The following SCEL variants were observed in gnomAD, a reference collection of about 807,000 sequenced individuals.
The protein encoded by SCEL is sciellin.
SCEL carries 113 observed loss-of-function variants against 117.6 expected under a neutral mutation model. The observed-to-expected ratio is 0.96, with a 90% CI of 0.83 to 1.12. The LOEUF is 1.12. Ranked by LOEUF, SCEL falls within the 50% of genes most tolerant of loss-of-function variation. SCEL has a pLI of 0.00. For missense variants in SCEL, 785 were observed against 810.8 expected, an observed-to-expected ratio of 0.97 and a Z score of 0.39; for synonymous variants, 270 against 256.2, an observed-to-expected ratio of 1.05 and a Z score of -0.51.
intron 1 of SCEL, among the ~76,000 whole-genome samples, chr13:77,552,557 T>G (rs2084397248): frequency 6.6e-6 from 1 of 152,152 alleles, no homozygotes; most frequent in African/African-American, 2.4e-5. Flanking sequence ...TTTTTTCTTG[T>G]AAATTTGTTT....
chr13:77,556,803 A>G (rs2084685456), intron 3 of SCEL, 90 bp downstream of exon 3: 9 of 902,622 alleles, frequency 1.0e-5, no homozygotes, highest in Non-Finnish European at 5.4e-6. Context: ...AAAAGTGAAT[A>G]CTTTTCTCCT....
In SCEL at chr13:77,618,095, G is replaced by A. The variant is rs772838958; in HGVS notation, c.1628+35G>A. The A allele has an allele frequency of 7.1e-6, 11 of 1,557,154 alleles. No individual in the cohort carries two copies. The East Asian group carries it at 1.3e-4, about 19-fold the overall frequency. ...CTTGACTATCTTGACATGTTTACAA[G>A]TTTCTAGGGTAGGAACTTCTCCCTC... On this transcript the variant is annotated intron_variant, in intron 27 of 32. Coordinates refer to ENST00000349847, the MANE Select transcript of SCEL (RefSeq NM_144777.3).
intron 24 of SCEL, among the ~76,000 whole-genome samples, chr13:77,615,431 G>A (rs2088950559): frequency 6.6e-6 from 1 of 152,070 alleles, no homozygotes; most frequent in Admixed American, 6.6e-5. Flanking sequence ...GCTGTGGGAT[G>A]GCCAGGACGT....
At chr13:77,643,890 T>C (rs1169768078) in intron 32 of SCEL, among the ~76,000 whole-genome samples, 2 of 152,180 alleles carry the variant, frequency 1.3e-5, no homozygotes, top group Non-Finnish European at 2.9e-5. Flanking sequence ...GGTCTTGATG[T>C]GCATGGTGGT....
At chr13:77,540,918 G>A (rs1221516209) in intron 1 of SCEL, among the ~76,000 whole-genome samples, 1 of 152,212 alleles carries the variant, frequency 6.6e-6, no homozygotes, top group Non-Finnish European at 1.5e-5. Context: ...GAATAGTCAG[G>A]AGATTATGGT....
chr13:77,621,610 CG>C (rs949134057), intron 27 of SCEL, among the ~76,000 whole-genome samples: 1 of 152,156 alleles, frequency 6.6e-6, no homozygotes, highest in African/African-American at 2.4e-5. Flanking sequence ...AGGGTAACTA[CG>C]GGGTCTGCCT....
chr13:77,581,567 G>A (rs1272955855), intron 9 of SCEL, among the ~76,000 whole-genome samples: 3 of 152,206 alleles, frequency 2.0e-5, no homozygotes, highest in Non-Finnish European at 4.4e-5. Context: ...CTGGAAATAT[G>A]AGGAAGCAGG....
intron 32 of SCEL, 43 bp from the exon 33 acceptor site, chr13:77,644,215 T>C: frequency 6.2e-7 from 1 of 1,610,366 alleles, no homozygotes; most frequent in Non-Finnish European, 8.5e-7. Flanking sequence ...GATGAGCTTG[T>C]TTCTGTACTG....
intron 8 of SCEL, among the ~76,000 whole-genome samples, chr13:77,570,804 C>T (rs1363509923): frequency 2.0e-5 from 3 of 152,104 alleles, no homozygotes; most frequent in Non-Finnish European, 4.4e-5. Context: ...TATTCACTTA[C>T]GCTTTCAATA....
intron 12 of SCEL, among the ~76,000 whole-genome samples, chr13:77,593,941 C>G (rs1246409682): frequency 6.6e-6 from 1 of 152,184 alleles, no homozygotes; most frequent in Non-Finnish European, 1.5e-5. Flanking sequence ...CCCAAATGTG[C>G]TGTTCCTCAC....
In SCEL at chr13:77,602,713, G is replaced by A. The variant is rs769251830; in HGVS notation, c.1037G>A (p.Arg346Lys). 1 of 1,612,612 alleles carries A rather than the reference G, an allele frequency of 6.2e-7. No individual in the cohort carries two copies. ...VNARMNKTSR[R>K]SEDLDNATEV... ...GCCAGGATGAATAAAACGAGCAGAA[G>A]GTGAGAACTGAACAGATGTCTCTAA... The change falls in exon 17 of 33, where the codon AGA becomes AAA. Residue 346 changes from arginine to lysine, a missense_variant and splice_region_variant. Transcript: ENST00000349847.
intron 1 of SCEL, among the ~76,000 whole-genome samples, chr13:77,538,276 C>T (rs1316774158): frequency 5.3e-5 from 8 of 151,954 alleles, no homozygotes; most frequent in African/African-American, 1.9e-4. Flanking sequence ...ACCACCACAC[C>T]CGACTAATTT....
At chr13:77,569,346 A>T (rs777791298) in intron 7 of SCEL, 25 bp from the exon 8 acceptor site, 1 of 1,587,710 alleles carries the variant, frequency 6.3e-7, no homozygotes, top group South Asian at 1.1e-5. Flanking sequence ...GAGTGGGATT[A>T]ATTGTTGTTC....
At chr13:77,574,735 G>T (rs2085837900) in intron 9 of SCEL, among the ~76,000 whole-genome samples, 1 of 152,272 alleles carries the variant, frequency 6.6e-6, no homozygotes, top group South Asian at 2.1e-4. Context: ...TCCCAGAGGA[G>T]CCCAAAGAAA....
chr13:77,602,012 G>A (rs1451897197), intron 15 of SCEL, 53 bp from the exon 16 acceptor site: 3 of 1,431,812 alleles, frequency 2.1e-6, no homozygotes, highest in East Asian at 2.3e-5. Flanking sequence ...ATATCACTGA[G>A]TTGCTCTTGC....
At chr13:77,606,000 T>C (rs2088143124) in intron 19 of SCEL, among the ~76,000 whole-genome samples, 1 of 152,134 alleles carries the variant, frequency 6.6e-6, no homozygotes, top group African/African-American at 2.4e-5. Context: ...AAAATAATAA[T>C]ATTTCCAATC....
At chr13:77,620,819 C>A (rs1263843266) in intron 27 of SCEL, among the ~76,000 whole-genome samples, 1 of 151,846 alleles carries the variant, frequency 6.6e-6, no homozygotes, top group Non-Finnish European at 1.5e-5. Flanking sequence ...ATACTCTTAA[C>A]TGTTTGTGGC....
chr13:77,568,191 C>T (rs1474960802), intron 6 of SCEL, 104 bp from the exon 7 acceptor site: 1 of 693,914 alleles, frequency 1.4e-6, no homozygotes, highest in Non-Finnish European at 2.5e-6. Context: ...TTCTTTCTCT[C>T]ACCAGTGTCT....
intron 18 of SCEL, among the ~76,000 whole-genome samples, chr13:77,603,371 A>T (rs1032396805): frequency 6.6e-6 from 1 of 152,234 alleles, no homozygotes; most frequent in African/African-American, 2.4e-5. Context: ...ATTTGTCTTC[A>T]GAGTAAGTGA....
Sources: gnomAD v4.1 joint callset for allele counts (sites outside exome capture counted in the v4.1 genomes callset) on GRCh38, gnomAD v4.1.1 for gene constraint, MANE v1.5 for transcripts, NCBI Gene and HGNC (gene_info 2026-07-23, HGNC 2026-07-21) for gene names.